SCN1A: variants seen among roughly 807,000 people sequenced by gnomAD.
The protein encoded by SCN1A is sodium channel protein type 1 subunit alpha.
In SCN1A, 13 loss-of-function variants were observed where a neutral mutation model predicts 193.7. The ratio of observed to expected loss-of-function variants is 0.07; its 90% CI spans 0.04 to 0.11. SCN1A has a LOEUF of 0.11. Among genes scored for constraint, SCN1A ranks in the 10% least tolerant of loss-of-function variants. The probability of loss-of-function intolerance (pLI) is 1.00; values close to 1 mark genes in which losing one functional copy is unlikely to be tolerated. For missense variants in SCN1A, 1,432 were observed against 2,451.1 expected (o/e 0.58, Z 8.78); for synonymous variants, 781 against 843.6 (o/e 0.93, Z 1.29).
chr2:166,140,866 A>C (rs1692051765), intron 1 of SCN1A, among the ~76,000 whole-genome samples: 1 of 152,114 alleles, frequency 6.6e-6, no homozygotes. Context: ...GAATTTTAAA[A>C]CCTTGCTTCT....
In SCN1A at chr2:166,036,033, C is replaced by T; in HGVS notation, c.3429+15G>A. 6.2e-7 allele frequency: 1 copy of T among 1,612,574 alleles called. No homozygotes were observed. Among genetic ancestry groups the T allele is most frequent in the South Asian group, 1.1e-5 (1 of 90,930 alleles). On this transcript the variant is annotated intron_variant, in intron 19 of 28. Transcript: ENST00000674923. ...GTATATGTATTCATACCTTCCCACACCTATAGAATCTTACCTCTTTGCTTT... is the reference window on the plus strand; with the variant it reads ...GTATATGTATTCATACCTTCCCACATCTATAGAATCTTACCTCTTTGCTTT...
In SCN1A at chr2:166,118,298, G is replaced by GCTT. The variant is rs371947861; in HGVS notation, c.-142+8625_-142+8626insAAG. On this transcript the variant is annotated intron_variant, in intron 2 of 28. Coordinates refer to ENST00000674923, the MANE Select transcript of SCN1A (RefSeq NM_001165963.4). The stretch of plus-strand genomic sequence containing the variant: ...TTCTTTGCTTACTGATTTCTATTTA[G>GCTT]TTTCTTTTTTTTTTTTTTTTTTTTT... 2.0e-4 allele frequency among the ~76,000 whole-genome samples: 9 copies of GCTT among 44,678 alleles called. 3 individuals carry two copies. The highest frequency in any genetic ancestry group is 2.2e-4 in the African/African-American group (3 of 13,740). The allele number at this position is 44,678 out of a possible 152,430, so 29.3% of individuals were successfully genotyped here. A position where few individuals can be genotyped will look rare whatever the true frequency, so the allele number is the denominator to read the frequency against.
rs2020318 is a variant in SCN1A, at chr2:166,037,720, T to C, written c.2946+56A>G. On this transcript the variant is annotated intron_variant, in intron 18 of 28. Transcript: ENST00000674923. ...ACAATGTGCAGGTTAGTTACATATG[T>C]ATACATGTGCCATGCTGGTGTATTT... 1,043,695 of 1,476,640 alleles carry C rather than the reference T, an allele frequency of 0.71. 371,828 individuals carry two copies. The highest frequency in any genetic ancestry group is 0.89 in the East Asian group (39,527 of 44,170). The allele number at this position is 1,476,640 out of a possible 1,614,324, so 91.5% of individuals were successfully genotyped here.
At chr2:165,996,173 C>A in intron 26 of SCN1A, 56 bp from the exon 27 acceptor site, 1 of 1,113,478 alleles carries the variant, frequency 9.0e-7, no homozygotes, top group Non-Finnish European at 1.3e-6. Context: ...ACATTTTTTT[C>A]AATGTTAAAA....
intron 15 of SCN1A, 25 bp downstream of exon 15, chr2:166,042,267 A>G: frequency 3.1e-6 from 5 of 1,608,656 alleles, no homozygotes; most frequent in Non-Finnish European, 4.3e-6. Flanking sequence ...AAATAATTGA[A>G]ACGAAAATAG....
upstream of SCN1A, among the ~76,000 whole-genome samples, chr2:166,128,522 G>A (rs1691486066): frequency 6.6e-6 from 1 of 152,046 alleles, no homozygotes; most frequent in South Asian, 2.1e-4. Flanking sequence ...ATATTATAGT[G>A]AACAGCTCAG....
rs1021010301 is a variant in SCN1A at position 165,988,824 on chromosome 2, G to A, written c.*2421C>T. The A allele has an allele frequency of 1.3e-5, 2 of 152,082 alleles. No individual in the cohort carries two copies. Among genetic ancestry groups the A allele is most frequent in the Admixed American group, 6.6e-5 (1 of 15,264 alleles). 9.4% of individuals were successfully genotyped at this position (152,082 alleles called of 1,614,324 possible). ...CTAAATTTTTAAATGATGATTTAAG[G>A]GTTTCTTTTCATAGCTCAAGGGGTC... On this transcript the variant is annotated 3_prime_UTR_variant, in exon 29 of 29. Coordinates refer to ENST00000674923, the MANE Select transcript of SCN1A (RefSeq NM_001165963.4).
chr2:166,053,191 C>T, intron 7 of SCN1A: 1 of 713,304 alleles, frequency 1.4e-6, no homozygotes. Flanking sequence ...TTGCATGGGT[C>T]TTTTATAAAG....
chr2:166,023,770 A>G (rs1174982705), intron 19 of SCN1A, among the ~76,000 whole-genome samples: 4 of 151,594 alleles, frequency 2.6e-5, no homozygotes, highest in African/African-American at 4.9e-5. Flanking sequence ...AAAAAAAGAA[A>G]AAAAAATGAT....
At chr2:166,031,077 C>T (rs184802137) in intron 19 of SCN1A, among the ~76,000 whole-genome samples, 87 of 152,212 alleles carry the variant, frequency 5.7e-4, no homozygotes, top group Admixed American at 1.9e-3. Flanking sequence ...AACAATTCCT[C>T]AAATTACTTG....
At chr2:166,088,411 C>T (rs899326571) in intron 2 of SCN1A, among the ~76,000 whole-genome samples, 1 of 151,214 alleles carries the variant, frequency 6.6e-6, no homozygotes, top group African/African-American at 2.4e-5. Flanking sequence ...ATAGTTAAAA[C>T]AAAAATTGCT....
chr2:166,022,725 A>T (rs1227260793), intron 19 of SCN1A, among the ~76,000 whole-genome samples: 1 of 152,236 alleles, frequency 6.6e-6, no homozygotes, highest in African/African-American at 2.4e-5. Flanking sequence ...ATCATTTTAG[A>T]AAAGTTACAA....
At chr2:166,118,210 A>C (rs1294704047) in intron 2 of SCN1A, among the ~76,000 whole-genome samples, 1 of 150,218 alleles carries the variant, frequency 6.7e-6, no homozygotes, top group African/African-American at 2.4e-5. Flanking sequence ...GATACAGTCA[A>C]GATTCCACTT....
At chr2:166,006,357 CTCT>C (rs1691656182) in intron 23 of SCN1A, among the ~76,000 whole-genome samples, 2 of 151,202 alleles carry the variant, frequency 1.3e-5, no homozygotes, top group South Asian at 2.1e-4. Context: ...CGAATATAAA[CTCT>C]TCTTCTTGTA....
chr2:166,056,358 A>C, intron 6 of SCN1A, 53 bp downstream of exon 6: 3 of 1,103,162 alleles, frequency 2.7e-6, no homozygotes, highest in Non-Finnish European at 4.2e-6. Flanking sequence ...ATTAAGACAC[A>C]GTTTCAAAAT....
chr2:166,101,290 A>T (rs912821360), intron 2 of SCN1A, among the ~76,000 whole-genome samples: 8 of 146,102 alleles, frequency 5.5e-5, no homozygotes, highest in Admixed American at 2.1e-4. Context: ...ATTCTCACTC[A>T]TAGGTGGGAA....
Position 165,995,903 on chromosome 2 carries a change from A to C in SCN1A, c.4581+110T>G. 3 of 756,764 alleles carry C rather than the reference A, an allele frequency of 4.0e-6. No homozygotes were observed. The South Asian group carries it at 4.5e-5, about 11-fold the overall frequency. The allele number at this position is 756,764 out of a possible 1,614,324, so 46.9% of individuals were successfully genotyped here. On this transcript the variant is annotated intron_variant, in intron 27 of 28. Coordinates refer to ENST00000674923, the MANE Select transcript of SCN1A (RefSeq NM_001165963.4). ...CATCACTTTTAGATGATGCTCTACAAGTGAAAGAAATTTTTTCTACTGGAA... is the reference window on the plus strand; with the variant it reads ...CATCACTTTTAGATGATGCTCTACACGTGAAAGAAATTTTTTCTACTGGAA...
chr2:166,017,017 G>T (rs1246834610), intron 19 of SCN1A, among the ~76,000 whole-genome samples: 1 of 149,416 alleles, frequency 6.7e-6, no homozygotes, highest in African/African-American at 2.5e-5. Flanking sequence ...ATATCTAGTT[G>T]CCTTCTTTCC....
At chr2:166,113,129 T>C (rs969294335) in intron 2 of SCN1A, among the ~76,000 whole-genome samples, 1 of 152,172 alleles carries the variant, frequency 6.6e-6, no homozygotes, top group Non-Finnish European at 1.5e-5. Context: ...TGACTTGTGG[T>C]ATCTGAGGAT....
Sources: gnomAD v4.1 joint callset for allele counts (sites outside exome capture counted in the v4.1 genomes callset) on GRCh38, gnomAD v4.1.1 for gene constraint, MANE v1.5 for transcripts, NCBI Gene and HGNC (gene_info 2026-07-23, HGNC 2026-07-21) for gene names.